The following PLOD2 variants were observed in gnomAD, a reference collection of about 807,000 sequenced individuals.
PLOD2 encodes the protein lysine hydroxylase 2.
A neutral mutation model predicts 101.0 loss-of-function variants in PLOD2; 65 were observed. The ratio of observed to expected loss-of-function variants is 0.64; its 90% CI spans 0.53 to 0.79. The LOEUF (loss-of-function observed/expected upper bound fraction) is 0.79. Ranked by LOEUF, PLOD2 falls within the 30% of genes least tolerant of loss-of-function variation. The pLI is 0.00. For missense variants in PLOD2, 909 were observed against 914.6 expected (o/e 0.99, Z 0.08); for synonymous variants, 314 against 302.9 (o/e 1.04, Z -0.38).
intron 2 of PLOD2, among the ~76,000 whole-genome samples, chr3:146,122,322 C>T (rs2030217598): frequency 2.0e-5 from 3 of 152,150 alleles, no homozygotes; most frequent in Non-Finnish European, 4.4e-5. Flanking sequence ...TAAAAATTGG[C>T]CTCCTCTGGC....
intron 1 of PLOD2, among the ~76,000 whole-genome samples, chr3:146,155,736 AAAAG>A (rs2032279368): frequency 2.0e-5 from 3 of 151,806 alleles, no homozygotes; most frequent in Non-Finnish European, 4.4e-5. Context: ...AAAAAAAGAA[AAAAG>A]AAAGAAAATT....
intron 7 of PLOD2, among the ~76,000 whole-genome samples, chr3:146,095,218 G>A (rs1576588320): frequency 1.3e-5 from 2 of 152,104 alleles, no homozygotes; most frequent in Non-Finnish European, 2.9e-5. Flanking sequence ...ATTGGCAAAT[G>A]GGATCTAATT....
At chr3:146,109,435 G>C (rs1197778623) in intron 4 of PLOD2, among the ~76,000 whole-genome samples, 1 of 152,162 alleles carries the variant, frequency 6.6e-6, no homozygotes, top group Non-Finnish European at 1.5e-5. Flanking sequence ...TCACTTCCTA[G>C]TGGCTAAGCA....
At chr3:146,159,387 G>A (rs1464771019) in intron 1 of PLOD2, among the ~76,000 whole-genome samples, 2 of 152,194 alleles carry the variant, frequency 1.3e-5, no homozygotes, top group Non-Finnish European at 2.9e-5. Flanking sequence ...GATACAAAGG[G>A]ATGTCCTCTA....
chr3:146,155,066 CT>C lies in PLOD2; in HGVS notation c.109+5814del, dbSNP rs2032234042. Among the ~76,000 whole-genome samples the C allele has an allele frequency of 2.6e-5, 4 of 152,250 alleles. No homozygotes were observed. In the South Asian group the frequency reaches 6.2e-4, roughly 24 times the overall value. On this transcript the variant is annotated intron_variant, in intron 1 of 19. Coordinates refer to ENST00000282903, the MANE Select transcript of PLOD2 (RefSeq NM_182943.3). ...TATAAACTATTTTTTGAAGAGGTAT[CT>C]TTGTGACACAGTCGGGCAGTAATCA... is the stretch of plus-strand genomic sequence containing the variant.
chr3:146,150,931 T>G (rs1487446496), intron 1 of PLOD2, among the ~76,000 whole-genome samples: 1 of 152,176 alleles, frequency 6.6e-6, no homozygotes, highest in South Asian at 2.1e-4. Flanking sequence ...ATAAAAACAC[T>G]TGGAACCTTT....
intron 15 of PLOD2, among the ~76,000 whole-genome samples, chr3:146,073,866 C>CTAA (rs1250471254): frequency 6.6e-6 from 1 of 151,510 alleles, no homozygotes; most frequent in Non-Finnish European, 1.5e-5. Flanking sequence ...AATTAGTGAA[C>CTAA]TAATTAACTA....
intron 11 of PLOD2, 77 bp from the exon 12 acceptor site, chr3:146,081,940 A>T: frequency 7.3e-7 from 1 of 1,373,190 alleles, no homozygotes; most frequent in Non-Finnish European, 1.0e-6. Context: ...AGAATTATGT[A>T]TTTTGGGCTT....
chr3:146,123,633 C>G (rs182888980), intron 2 of PLOD2, among the ~76,000 whole-genome samples: 1 of 151,948 alleles, frequency 6.6e-6, no homozygotes, highest in East Asian at 1.9e-4. Context: ...TAGCAAAACC[C>G]ATTACAGAAA....
intron 5 of PLOD2, chr3:146,105,040 GAAGT>G (rs1260822574): frequency 2.0e-5 from 3 of 152,228 alleles, no homozygotes; most frequent in African/African-American, 7.2e-5. Flanking sequence ...TTTGGACAAG[GAAGT>G]AAGATTAAAA....
At chr3:146,070,982 G>C (rs985109869) in intron 19 of PLOD2, 60 bp downstream of exon 19, 6 of 1,535,432 alleles carry the variant, frequency 3.9e-6, no homozygotes, top group Non-Finnish European at 1.8e-6. Context: ...CTAAGGCAAA[G>C]TCCTTTTCAT....
At chr3:146,152,243 A>G (rs2032089243) in intron 1 of PLOD2, among the ~76,000 whole-genome samples, 1 of 151,542 alleles carries the variant, frequency 6.6e-6, no homozygotes, top group African/African-American at 2.4e-5. Flanking sequence ...ATATGGTGAA[A>G]CCCCCGTTTC....
intron 7 of PLOD2, among the ~76,000 whole-genome samples, chr3:146,094,015 C>G (rs774120005): frequency 1.8e-4 from 28 of 152,154 alleles, no homozygotes; most frequent in Non-Finnish European, 3.8e-4. Flanking sequence ...CACCACCCCC[C>G]ATTTACATCT....
chr3:146,096,089 G>T (rs1937148515), intron 7 of PLOD2, among the ~76,000 whole-genome samples: 1 of 150,324 alleles, frequency 6.7e-6, no homozygotes, highest in East Asian at 2.0e-4. Context: ...GGGTTTCGCT[G>T]TGTTGGCCGG....
chr3:146,103,416 A>G (rs992767680), intron 6 of PLOD2, among the ~76,000 whole-genome samples: 5 of 152,062 alleles, frequency 3.3e-5, no homozygotes, highest in African/African-American at 1.2e-4. Flanking sequence ...CCATCGTCTT[A>G]AAATTTCCTG....
intron 14 of PLOD2, 198 bp from the exon 15 acceptor site, chr3:146,077,093 A>C (rs1936373409): frequency 1.6e-6 from 2 of 1,263,858 alleles, no homozygotes; most frequent in East Asian, 3.6e-5. Context: ...CACCACACAA[A>C]ACTAGTAGAT....
At chr3:146,088,761 G>C in intron 8 of PLOD2, 50 bp from the exon 9 acceptor site, 1 of 1,440,754 alleles carries the variant, frequency 6.9e-7, no homozygotes, top group Non-Finnish European at 9.7e-7. Flanking sequence ...GTATGGTTTT[G>C]TTTTAAATTT....
At chr3:146,128,588 C>T (rs1484196380) in intron 1 of PLOD2, among the ~76,000 whole-genome samples, 3 of 152,014 alleles carry the variant, frequency 2.0e-5, no homozygotes, top group Non-Finnish European at 4.4e-5. Context: ...ATATTTTGCT[C>T]TGTCTGAAAA....
At chr3:146,091,768 A>G in intron 8 of PLOD2, 32 bp downstream of exon 8, 1 of 1,131,748 alleles carries the variant, frequency 8.8e-7, no homozygotes, top group East Asian at 2.4e-5. Flanking sequence ...ACTTTCTATT[A>G]CTACATTTCA....
Sources: allele counts gnomAD v4.1 joint callset (sites outside exome capture counted in the v4.1 genomes callset), GRCh38; gene constraint gnomAD v4.1.1; transcripts MANE v1.5; gene names NCBI Gene and HGNC (gene_info 2026-07-23, HGNC 2026-07-21).